Variants in CNTN4 observed in about 807,000 individuals in gnomAD.
CNTN4 encodes contactin-4.
In CNTN4, 77 loss-of-function variants were observed where a neutral mutation model predicts 122.5. The ratio of observed to expected loss-of-function variants is 0.63; its 90% CI spans 0.52 to 0.76. The LOEUF (loss-of-function observed/expected upper bound fraction) is 0.76. Ranked by LOEUF, CNTN4 falls within the 30% of genes least tolerant of loss-of-function variation. The pLI is 0.00. For synonymous variants in CNTN4, 512 were observed against 447.0 expected (o/e 1.15, Z -1.83); for missense variants, 1,256 against 1,259.1 (o/e 1.00, Z 0.04).
chr3:2,798,368 T>TCTATCTAC lies in CNTN4; in HGVS notation c.359-21111_359-21110insCCTATCTA, dbSNP rs1201579468. The stretch of plus-strand genomic sequence containing the variant: ...CATACTATATCTATACACACATAAA[T>TCTATCTAC]CTATCTATCTATCTATCTATCTATA... On this transcript the variant is annotated intron_variant, in intron 6 of 24. Coordinates refer to ENST00000418658, the MANE Select transcript of CNTN4 (RefSeq NM_175607.3). Among the ~76,000 whole-genome samples, 1,225 of 148,618 alleles carry TCTATCTAC rather than the reference T, an allele frequency of 8.2e-3. 23 individuals carry two copies. Among genetic ancestry groups the TCTATCTAC allele is most frequent in the Admixed American group, 0.029 (418 of 14,658 alleles).
intron 6 of CNTN4, among the ~76,000 whole-genome samples, chr3:2,751,287 G>A (rs140588268): frequency 2.6e-5 from 4 of 152,160 alleles, no homozygotes; most frequent in South Asian, 2.1e-4. Flanking sequence ...CAGCCTGGGC[G>A]ACAGAGAGAG....
chr3:2,442,260 G>C (rs1357762224), intron 3 of CNTN4, among the ~76,000 whole-genome samples: 1 of 151,942 alleles, frequency 6.6e-6, no homozygotes, highest in African/African-American at 2.4e-5. Context: ...AATCGAGGAA[G>C]GAATTCAAGT....
chr3:2,763,431 T>TG (rs1310883393), intron 6 of CNTN4, among the ~76,000 whole-genome samples: 5 of 152,360 alleles, frequency 3.3e-5, no homozygotes, highest in Admixed American at 3.3e-4. Flanking sequence ...ATTCTGTGTG[T>TG]TGTCTCTTTA....
intron 2 of CNTN4, among the ~76,000 whole-genome samples, chr3:2,222,390 G>A (rs933799917): frequency 4.6e-5 from 7 of 152,128 alleles, no homozygotes; most frequent in Admixed American, 2.6e-4. Flanking sequence ...GGGGCTGGGA[G>A]GAGAGGAGAG....
At chr3:2,851,072 T>C (rs2093541897) in intron 7 of CNTN4, among the ~76,000 whole-genome samples, 1 of 152,232 alleles carries the variant, frequency 6.6e-6, no homozygotes, top group African/African-American at 2.4e-5. Context: ...ACAATGTATT[T>C]GTTAAGTTAA....
chr3:2,731,695 C>G (rs1365873020), intron 4 of CNTN4, among the ~76,000 whole-genome samples: 1 of 152,250 alleles, frequency 6.6e-6, no homozygotes, highest in Non-Finnish European at 1.5e-5. Context: ...AGATGATGCC[C>G]TGGGGCGACT....
intron 15 of CNTN4, among the ~76,000 whole-genome samples, chr3:3,027,326 C>T (rs908101512): frequency 1.3e-5 from 2 of 152,092 alleles, no homozygotes; most frequent in African/African-American, 2.4e-5. Flanking sequence ...GAAGTTAATT[C>T]GTTACATCAG....
chr3:2,138,343 C>T (rs1487835277), intron 2 of CNTN4, among the ~76,000 whole-genome samples: 1 of 152,136 alleles, frequency 6.6e-6, no homozygotes, highest in Non-Finnish European at 1.5e-5. Flanking sequence ...GCCGGGATTA[C>T]AGGTGTGAGC....
At chr3:2,568,708 C>G (rs1211698572) in intron 3 of CNTN4, among the ~76,000 whole-genome samples, 2 of 152,186 alleles carry the variant, frequency 1.3e-5, no homozygotes, top group Non-Finnish European at 2.9e-5. Flanking sequence ...TGCCCACTGA[C>G]AAATTACTGT....
chr3:2,258,217 A>G (rs978766203), intron 2 of CNTN4, among the ~76,000 whole-genome samples: 3 of 152,148 alleles, frequency 2.0e-5, no homozygotes, highest in African/African-American at 4.8e-5. Context: ...CAGAAACACC[A>G]TTTAACCCAG....
chr3:2,893,256 A>G (rs1294041589), intron 10 of CNTN4, among the ~76,000 whole-genome samples: 1 of 152,200 alleles, frequency 6.6e-6, no homozygotes, highest in Non-Finnish European at 1.5e-5. Context: ...ATGGTGTTTG[A>G]GTATCTCTAA....
At chr3:2,163,060 G>A (rs2036033707) in intron 2 of CNTN4, among the ~76,000 whole-genome samples, 2 of 152,192 alleles carry the variant, frequency 1.3e-5, no homozygotes, top group South Asian at 4.1e-4. Context: ...TCATGCCACT[G>A]CACCCCAGCC....
intron 2 of CNTN4, among the ~76,000 whole-genome samples, chr3:2,271,963 A>C (rs1271989649): frequency 6.6e-6 from 1 of 152,168 alleles, no homozygotes; most frequent in African/African-American, 2.4e-5. Flanking sequence ...GAATATTTGG[A>C]AATATGGAAA....
At chr3:2,727,947 C>T (rs980804062) in intron 4 of CNTN4, among the ~76,000 whole-genome samples, 1 of 152,202 alleles carries the variant, frequency 6.6e-6, no homozygotes, top group Admixed American at 6.5e-5. Flanking sequence ...TGTCTGTCTC[C>T]TCTAATATTT....
At chr3:2,758,272 A>G (rs765900618) in intron 6 of CNTN4, among the ~76,000 whole-genome samples, 1 of 152,228 alleles carries the variant, frequency 6.6e-6, no homozygotes, top group Non-Finnish European at 1.5e-5. Context: ...GTGCTGAATA[A>G]ATATTTGTGG....
chr3:2,823,265 G>C (rs369216435), intron 7 of CNTN4, among the ~76,000 whole-genome samples: 9 of 152,158 alleles, frequency 5.9e-5, no homozygotes, highest in African/African-American at 1.9e-4. Flanking sequence ...AAATGAGTCA[G>C]CCTTTTATTA....
At chr3:2,186,634 G>A (rs1305565545) in intron 2 of CNTN4, among the ~76,000 whole-genome samples, 1 of 152,160 alleles carries the variant, frequency 6.6e-6, no homozygotes, top group African/African-American at 2.4e-5. Flanking sequence ...TAACTGGTGT[G>A]AGATGGTATC....
At chr3:2,635,511 C>A (rs1428962432) in intron 4 of CNTN4, among the ~76,000 whole-genome samples, 2 of 152,114 alleles carry the variant, frequency 1.3e-5, no homozygotes, top group Non-Finnish European at 2.9e-5. Flanking sequence ...GGCTCCTTCA[C>A]CATGGAATAA....
chr3:2,337,287 T>C (rs2043994597), intron 2 of CNTN4, among the ~76,000 whole-genome samples: 1 of 152,164 alleles, frequency 6.6e-6, no homozygotes, highest in South Asian at 2.1e-4. Flanking sequence ...GGAGTGAATT[T>C]AATAATGTTT....
Sources: gnomAD v4.1 joint callset for allele counts (sites outside exome capture counted in the v4.1 genomes callset) on GRCh38, gnomAD v4.1.1 for gene constraint, MANE v1.5 for transcripts, NCBI Gene and HGNC (gene_info 2026-07-23, HGNC 2026-07-21) for gene names.